The following LIX1 variants were observed in gnomAD, a reference collection of about 807,000 sequenced individuals.
The protein encoded by LIX1 is protein limb expression 1 homolog.
A neutral mutation model predicts 33.4 loss-of-function variants in LIX1; 24 were observed. The ratio of observed to expected loss-of-function variants is 0.72; its 90% CI spans 0.52 to 1.01. The LOEUF (loss-of-function observed/expected upper bound fraction) is 1.01. Among genes scored for constraint, LIX1 ranks in the 50% least tolerant of loss-of-function variants. LIX1 has a pLI of 0.00. For missense variants in LIX1, 311 were observed against 339.2 expected (o/e 0.92, Z 0.65); for synonymous variants, 124 against 124.0 (o/e 1.00, Z 0.00).
At chr5:97,130,672 C>T (rs1748034606) in intron 1 of LIX1, among the ~76,000 whole-genome samples, 1 of 152,192 alleles carries the variant, frequency 6.6e-6, no homozygotes, top group Non-Finnish European at 1.5e-5. Context: ...TATCAAATCC[C>T]TTGCTGAGGC....
Position 97,142,393 on chromosome 5 carries a change from G to A in LIX1, c.82+102C>T, listed in dbSNP as rs753735779. On this transcript the variant is annotated intron_variant, in intron 1 of 5. Transcript: ENST00000274382. ...AAATATCACTTAGAACACAGCATAC[G>A]ACTGCAGAGATTTAGGAGAAATCTT... The A allele has an allele frequency of 1.7e-4, 130 of 774,424 alleles. 2 individuals carry two copies. The highest frequency in any genetic ancestry group is 8.0e-4 in the Middle Eastern group (3 of 3,748). 48.0% of individuals were successfully genotyped at this position (774,424 alleles called of 1,614,324 possible).
chr5:97,099,256 C>T (rs1179899407), intron 4 of LIX1, among the ~76,000 whole-genome samples: 2 of 152,190 alleles, frequency 1.3e-5, no homozygotes, highest in Admixed American at 6.5e-5. Flanking sequence ...AAATCTCGTC[C>T]AATCTGGCTG....
intron 2 of LIX1, among the ~76,000 whole-genome samples, chr5:97,114,667 G>A (rs1283979208): frequency 6.6e-6 from 1 of 152,068 alleles, no homozygotes; most frequent in Non-Finnish European, 1.5e-5. Flanking sequence ...TAAGATTTGC[G>A]GGTGATTCTG....
rs1320001134 is a variant in LIX1, at chr5:97,092,556, G to A, written c.*2192C>T. ...AAAGATTCTGACTTTTATTTATTTT[G>A]CTGAAGCTTTCATACCATTCCAGGA... On this transcript the variant is annotated 3_prime_UTR_variant, in exon 6 of 6. Coordinates refer to ENST00000274382, the MANE Select transcript of LIX1 (RefSeq NM_153234.5). The A allele has an allele frequency of 1.3e-5, 2 of 152,274 alleles. No individual in the cohort carries two copies. Among genetic ancestry groups the A allele is most frequent in the Non-Finnish European group, 2.9e-5 (2 of 68,010 alleles). The allele number at this position is 152,274 out of a possible 1,614,324, so 9.4% of individuals were successfully genotyped here.
At position 97,106,775 on chromosome 5, in the gene LIX1, T is replaced by C. The variant is rs568471648; in HGVS notation, c.387+585A>G. ...TGCTCTTAAAGCACTTTGCATTTAA[T>C]TGTGTTAATTACAGAAATTTTCAAT... On this transcript the variant is annotated intron_variant, in intron 3 of 5. Coordinates refer to ENST00000274382, the MANE Select transcript of LIX1 (RefSeq NM_153234.5). 2.0e-5 allele frequency among the ~76,000 whole-genome samples: 3 copies of C among 152,344 alleles called. No individual in the cohort carries two copies. In the South Asian group the frequency reaches 6.2e-4, roughly 32 times the overall value.
At chr5:97,120,698 AG>A (rs1747756291) in intron 2 of LIX1, among the ~76,000 whole-genome samples, 1 of 152,210 alleles carries the variant, frequency 6.6e-6, no homozygotes, top group Non-Finnish European at 1.5e-5. Context: ...ATTAAGTGTC[AG>A]AAGAGGAAAT....
chr5:97,107,350 G>T lies in LIX1; in HGVS notation c.387+10C>A. The T allele has an allele frequency of 6.2e-7, 1 of 1,611,178 alleles. No homozygotes were observed. Among genetic ancestry groups the T allele is most frequent in the African/African-American group, 1.3e-5 (1 of 74,964 alleles). ...GCAGCCATCTCCTGCCCTCCATGGT[G>T]GGTACTCACGCTGGTGGAGGCTACT... On this transcript the variant is annotated intron_variant, in intron 3 of 5. Coordinates refer to ENST00000274382, the MANE Select transcript of LIX1 (RefSeq NM_153234.5).
At chr5:97,137,232 TGAGATGGGAGA>T in intron 1 of LIX1, 1 of 364,936 alleles carries the variant, frequency 2.7e-6, no homozygotes, top group South Asian at 2.2e-5. Flanking sequence ...AGACCTCTGG[TGAGATGGGAGA>T]GCAGTCAATG....
intron 1 of LIX1, among the ~76,000 whole-genome samples, chr5:97,141,248 A>G (rs570314563): frequency 1.4e-4 from 22 of 152,250 alleles, no homozygotes; most frequent in Non-Finnish European, 2.9e-4. Context: ...AATCAGTTCT[A>G]TTGTAGGAGA....
chr5:97,142,544 G>A lies in LIX1; in HGVS notation c.33C>T (p.Ile11=), dbSNP rs781435937. MDRTLESLRH[I]IAQVLPHRDP... ...CTCTGTGAGGCAAGACTTGGGCAAT[G>A]ATGTGTCTCAGAGATTCCAAGGTTC... The change falls in exon 1 of 6, where the codon ATC becomes ATT. Residue 11 remains isoleucine, a synonymous_variant. Coordinates refer to ENST00000274382, the MANE Select transcript of LIX1 (RefSeq NM_153234.5). The A allele has an allele frequency of 1.2e-6, 2 of 1,614,082 alleles. No individual in the cohort carries two copies. Among genetic ancestry groups the A allele is most frequent in the East Asian group, 2.2e-5 (1 of 44,886 alleles).
In LIX1 at chr5:97,142,582, G is replaced by A. The variant is rs770073991; in HGVS notation, c.-6C>T. 105 of 1,612,828 alleles carry A rather than the reference G, an allele frequency of 6.5e-5. No individual in the cohort carries two copies. In the Middle Eastern group the frequency reaches 8.2e-4, roughly 13 times the overall value. The stretch of plus-strand genomic sequence containing the variant: ...GATTCCAAGGTTCTGTCCATCTTGG[G>A]TCTGCCTGTGTGAGCCTCCTGTACA... On this transcript the variant is annotated 5_prime_UTR_variant, in exon 1 of 6. Coordinates refer to ENST00000274382, the MANE Select transcript of LIX1 (RefSeq NM_153234.5).
At position 97,094,754 on chromosome 5, in the gene LIX1, A is replaced by G; in HGVS notation, c.843T>C (p.Tyr281=). The G allele has an allele frequency of 6.2e-7, 1 of 1,613,066 alleles. No individual in the cohort carries two copies. ...TACCCGGGGCTTGGCCTTGCTAGTG[A>G]TAGCCACACAGGGCCGTAAGGCTCA... ...DQLSLTALCG[Y]H Residue 281 remains tyrosine (Y), a synonymous_variant, in exon 6 of 6, where the codon TAT becomes TAC. Transcript: ENST00000274382.
chr5:97,127,335 A>G (rs316201), intron 1 of LIX1, among the ~76,000 whole-genome samples: 73,072 of 152,060 alleles, frequency 0.48, 18,494 homozygotes, highest in African/African-American at 0.65. Context: ...TGGGATTAAA[A>G]AGTTTGAAGG....
intron 5 of LIX1, among the ~76,000 whole-genome samples, chr5:97,095,471 T>A (rs541930134): frequency 6.6e-6 from 1 of 152,268 alleles, no homozygotes; most frequent in East Asian, 1.9e-4. Context: ...TTTGGTCAAA[T>A]CCACTGAAGA....
Position 97,123,427 on chromosome 5 carries a change from G to T in LIX1, c.246+1039C>A, listed in dbSNP as rs114637362. 4.3e-3 allele frequency among the ~76,000 whole-genome samples: 652 copies of T among 152,288 alleles called. 3 individuals are homozygous for T. The highest frequency in any genetic ancestry group is 6.6e-3 in the Non-Finnish European group (449 of 68,022). ...GGGCTGACCACTGGTAAAGGTGAAG[G>T]TGAAGAGACTTCATTAGGCATGAAA... On this transcript the variant is annotated intron_variant, in intron 2 of 5. Coordinates refer to ENST00000274382, the MANE Select transcript of LIX1 (RefSeq NM_153234.5).
intron 1 of LIX1, among the ~76,000 whole-genome samples, chr5:97,141,845 C>T (rs912289825): frequency 6.6e-6 from 1 of 152,064 alleles, no homozygotes; most frequent in Non-Finnish European, 1.5e-5. Flanking sequence ...AATTGGAAAT[C>T]TTGATTGAAT....
intron 4 of LIX1, among the ~76,000 whole-genome samples, chr5:97,103,704 A>G (rs563563449): frequency 4.8e-4 from 73 of 152,318 alleles, no homozygotes; most frequent in African/African-American, 1.0e-3. Flanking sequence ...GGTGGCTCAC[A>G]CCTGTAATCC....
At chr5:97,112,097 G>T (rs145670165) in intron 2 of LIX1, among the ~76,000 whole-genome samples, 2 of 152,340 alleles carry the variant, frequency 1.3e-5, no homozygotes, top group African/African-American at 4.8e-5. Context: ...TGTCTATAAT[G>T]TTAACCAGCC....
intron 2 of LIX1, 22 bp downstream of exon 2, chr5:97,124,444 C>T (rs767824489): frequency 6.4e-7 from 1 of 1,564,212 alleles, no homozygotes; most frequent in East Asian, 2.3e-5. Context: ...CTTTCACTGA[C>T]AAATTAATGG....
Sources: allele counts gnomAD v4.1 joint callset (sites outside exome capture counted in the v4.1 genomes callset), GRCh38; gene constraint gnomAD v4.1.1; transcripts MANE v1.5; gene names NCBI Gene and HGNC (gene_info 2026-07-23, HGNC 2026-07-21).